Variants in LMO7 observed in about 807,000 individuals in gnomAD.
The protein encoded by LMO7 is LIM domain 7.
In LMO7, 120 loss-of-function variants were observed where a neutral mutation model predicts 206.5. That is an observed-to-expected ratio of 0.58 (90% confidence interval 0.50 to 0.68). LMO7 has a LOEUF of 0.68. Among genes scored for constraint, LMO7 ranks in the 30% least tolerant of loss-of-function variants. The pLI is 0.00. For missense variants in LMO7, 1,959 were observed against 1,957.9 expected, an observed-to-expected ratio of 1.00 and a Z score of -0.01; for synonymous variants, 706 against 681.5, an observed-to-expected ratio of 1.04 and a Z score of -0.56.
chr13:75,756,211 A>G (rs967321856), intron 3 of LMO7, among the ~76,000 whole-genome samples: 2 of 152,218 alleles, frequency 1.3e-5, no homozygotes, highest in African/African-American at 4.8e-5. Flanking sequence ...CAAGAGACCA[A>G]GGTAGAGAAG....
intron 3 of LMO7, among the ~76,000 whole-genome samples, chr13:75,754,768 T>C (rs1370056255): frequency 6.6e-6 from 1 of 152,148 alleles, no homozygotes; most frequent in African/African-American, 2.4e-5. Flanking sequence ...GATAAATGCT[T>C]TTGGAAGGAA....
chr13:75,838,239 T>C (rs1257921458), intron 20 of LMO7, 43 bp downstream of exon 20: 1 of 1,553,884 alleles, frequency 6.4e-7, no homozygotes, highest in Non-Finnish European at 8.9e-7. Context: ...CATGGAATTG[T>C]TCTCCCTCTC....
chr13:75,621,479 T>C (rs2033308960), exon 1 of LMO7: 1 of 291,942 alleles, frequency 3.4e-6, no homozygotes, highest in Non-Finnish European at 6.3e-6. Flanking sequence ...GGGCAAAGAA[T>C]GCTGTTTTTC....
At chr13:75,824,081 G>C (rs929788715) in intron 15 of LMO7, among the ~76,000 whole-genome samples, 1 of 152,198 alleles carries the variant, frequency 6.6e-6, no homozygotes, top group Non-Finnish European at 1.5e-5. Context: ...TGTGATATGA[G>C]TGTATGGAGA....
At chr13:75,815,870 T>C (rs1377885782) in intron 11 of LMO7, among the ~76,000 whole-genome samples, 1 of 152,098 alleles carries the variant, frequency 6.6e-6, no homozygotes, top group Non-Finnish European at 1.5e-5. Context: ...ATGTGGATGA[T>C]TGGAGGGCAG....
At position 75,833,183 on chromosome 13, in the gene LMO7, C is replaced by T. The variant is rs1337748259; in HGVS notation, c.3064+18C>T. ...TGAAGCAGGTAAATTATGTGTTTAG[C>T]TCTACTGAATTTTCTTCTCCTTTTC... On this transcript the variant is annotated intron_variant, in intron 16 of 30. Transcript: ENST00000377534. 1 of 1,356,090 alleles carries T rather than the reference C, an allele frequency of 7.4e-7. No individual in the cohort carries two copies. The highest frequency in any genetic ancestry group is 2.3e-5 in the East Asian group (1 of 43,672). 84.0% of individuals were successfully genotyped at this position (1,356,090 alleles called of 1,614,324 possible). A position where few individuals can be genotyped will look rare whatever the true frequency, so the allele number is the denominator to read the frequency against.
intron 1 of LMO7, among the ~76,000 whole-genome samples, chr13:75,699,472 T>C (rs1237888204): frequency 6.6e-6 from 1 of 152,032 alleles, no homozygotes; most frequent in Non-Finnish European, 1.5e-5. Context: ...TAGGTTATTT[T>C]CTATTTTCCC....
chr13:75,851,768 T>C (rs1430324979), intron 27 of LMO7, among the ~76,000 whole-genome samples: 1 of 152,244 alleles, frequency 6.6e-6, no homozygotes, highest in Non-Finnish European at 1.5e-5. Flanking sequence ...AAAGAATATG[T>C]ACTTTAAGGG....
chr13:75,803,647 C>T lies in LMO7; in HGVS notation c.662-642C>T, dbSNP rs1329817456. On this transcript the variant is annotated intron_variant, in intron 7 of 30. Coordinates refer to ENST00000377534, the MANE Select transcript of LMO7 (RefSeq NM_001306080.2). ...TAAATGATTTTGAATCATAATACAG[C>T]GTTCCCAATATAATTTCCATGGCCA... is the stretch of plus-strand genomic sequence containing the variant. Among the ~76,000 whole-genome samples, 6 of 152,156 alleles carry T rather than the reference C, an allele frequency of 3.9e-5. No homozygotes were observed. In the East Asian group the frequency reaches 9.6e-4, roughly 24 times the overall value.
intron 1 of LMO7, among the ~76,000 whole-genome samples, chr13:75,694,554 G>GT (rs1174946777): frequency 6.6e-6 from 1 of 152,204 alleles, no homozygotes; most frequent in East Asian, 1.9e-4. Context: ...AGAATGTTGA[G>GT]TGTCACATCT....
At chr13:75,725,833 C>G (rs2138553265) in intron 2 of LMO7, among the ~76,000 whole-genome samples, 1 of 152,136 alleles carries the variant, frequency 6.6e-6, no homozygotes, top group Admixed American at 6.5e-5. Context: ...CAAACTAGAT[C>G]TTCATAAGCC....
intron 24 of LMO7, 35 bp from the exon 25 acceptor site, chr13:75,842,816 A>G (rs780218649): frequency 8.1e-6 from 11 of 1,349,782 alleles, no homozygotes; most frequent in South Asian, 1.2e-5. Context: ...TTAAAGTCTA[A>G]TATTTTGACA....
Position 75,656,973 on chromosome 13 carries a change from C to A in LMO7, c.69+20247C>A, listed in dbSNP as rs191269513. On this transcript the variant is annotated intron_variant, in intron 1 of 30. Transcript: ENST00000377534. ...ATGTTTCTTATTTGGAAATAGAGTCCTTACAGTGGTAATCAAGTTAAACGA... is the reference window on the plus strand; with the variant it reads ...ATGTTTCTTATTTGGAAATAGAGTCATTACAGTGGTAATCAAGTTAAACGA... 1.8e-3 allele frequency among the ~76,000 whole-genome samples: 273 copies of A among 152,304 alleles called. 3 individuals carry two copies. The highest frequency in any genetic ancestry group is 6.4e-3 in the African/African-American group (264 of 41,558).
rs781067358 is a variant in LMO7, at chr13:75,823,728, C to T, written c.2804C>T (p.Pro935Leu). Residue 935 changes from proline (P) to leucine (L), a missense_variant, in exon 15 of 31, where the codon CCC (proline) becomes CTC (leucine). Transcript: ENST00000377534. ...ACAGAAGAAGATGTGACAAGGCTGC[C>T]CTCTCCTACATCCCCCTTCTCATCT... is the stretch of plus-strand genomic sequence containing the variant. ...AATEEDVTRL[P>L]SPTSPFSSLS... 8 of 1,614,088 alleles carry T rather than the reference C, an allele frequency of 5.0e-6. No homozygotes were observed. The highest frequency in any genetic ancestry group is 6.8e-6 in the Non-Finnish European group (8 of 1,179,996).
At chr13:75,704,333 A>T (rs9565187) in intron 1 of LMO7, among the ~76,000 whole-genome samples, 11,724 of 152,084 alleles carry the variant, frequency 0.077, 997 homozygotes, top group African/African-American at 0.21. Flanking sequence ...TTGTTGGGAT[A>T]TTTTTGTTTC....
At chr13:75,838,089 A>G (rs1167976239) in intron 19 of LMO7, 51 bp from the exon 20 acceptor site, 4 of 1,089,592 alleles carry the variant, frequency 3.7e-6, no homozygotes, top group African/African-American at 1.6e-5. Flanking sequence ...TAATTTACCA[A>G]TGGTGAGAAA....
chr13:75,636,259 AGGGCGGTGGGGTGGGCCG>A, upstream of LMO7: 2 of 595,484 alleles, frequency 3.4e-6, no homozygotes, highest in Non-Finnish European at 3.8e-6. Context: ...GGGCCCCGGG[AGGGCGGTGGGGTGGGCCG>A]GGGCGGGGCC....
At chr13:75,624,321 C>T (rs2033740147) in intron 2 of LMO7, among the ~76,000 whole-genome samples, 1 of 152,156 alleles carries the variant, frequency 6.6e-6, no homozygotes, top group African/African-American at 2.4e-5. Flanking sequence ...AAGGCAAAAA[C>T]ATTAGATGCT....
intron 3 of LMO7, among the ~76,000 whole-genome samples, chr13:75,749,962 A>T (rs547341386): frequency 6.6e-6 from 1 of 152,162 alleles, no homozygotes; most frequent in African/African-American, 2.4e-5. Flanking sequence ...TATTATAGTC[A>T]TAAAATGTAG....
Sources: gnomAD v4.1 joint callset for allele counts (sites outside exome capture counted in the v4.1 genomes callset) on GRCh38, gnomAD v4.1.1 for gene constraint, MANE v1.5 for transcripts, NCBI Gene and HGNC (gene_info 2026-07-23, HGNC 2026-07-21) for gene names.